The following GNA13 variants were observed in gnomAD, a reference collection of about 807,000 sequenced individuals.
GNA13 encodes guanine nucleotide-binding protein subunit alpha-13.
Under a neutral mutation model 33.5 loss-of-function variants are expected in GNA13, and 4 were observed. The observed-to-expected ratio is 0.12, with a 90% CI of 0.06 to 0.27. GNA13 has a LOEUF of 0.27. Among genes scored for constraint, GNA13 ranks in the 10% least tolerant of loss-of-function variants. The pLI is 1.00. For synonymous variants in GNA13, 176 were observed against 183.8 expected (o/e 0.96, Z 0.34); for missense variants, 319 against 487.2 (o/e 0.65, Z 3.25).
At position 65,013,401 on chromosome 17, in the gene GNA13, C is replaced by A. The variant is rs1204575753; in HGVS notation, c.*856G>T. 4.8e-6 allele frequency: 1 copy of A among 210,212 alleles called. No homozygotes were observed. Among genetic ancestry groups the A allele is most frequent in the Non-Finnish European group, 9.7e-6 (1 of 103,464 alleles). 13.0% of individuals were successfully genotyped at this position (210,212 alleles called of 1,614,324 possible). Reference sequence around the variant, plus strand: ...AAGTCAAATACATGACATTCTGGAACAGGTTAAGTTTATTTAGAAAGTTCT... The same window carrying A: ...AAGTCAAATACATGACATTCTGGAAAAGGTTAAGTTTATTTAGAAAGTTCT... On this transcript the variant is annotated 3_prime_UTR_variant, in exon 4 of 4. Transcript: ENST00000439174.
At position 65,014,763 on chromosome 17, in the gene GNA13, C is replaced by T. The variant is rs754149325; in HGVS notation, c.628G>A (p.Asp210Asn). The change falls in exon 4 of 4, where the codon GAC (aspartate) becomes AAC (asparagine). Residue 210 changes from aspartate (D) to asparagine (N), a missense_variant. Asp to Asn is a conservative substitution (Grantham distance 23). Coordinates refer to ENST00000439174, the MANE Select transcript of GNA13 (RefSeq NM_006572.6). The surrounding 1 kb of genome is among the most constrained non-coding windows in gnomAD (Gnocchi z 5.3). ...AAAGGAACATTTTTTATTTCAAAGTCGTATTCATGGATGCCTTTGGTGGGT... is the reference window on the plus strand; with the variant it reads ...AAAGGAACATTTTTTATTTCAAAGTTGTATTCATGGATGCCTTTGGTGGGT... ...RRPTKGIHEYDFEIKNVPFKM... is the reference protein window; with the variant it reads ...RRPTKGIHEYNFEIKNVPFKM... 1.3e-5 allele frequency: 21 copies of T among 1,613,350 alleles called. No individual in the cohort carries two copies. Among genetic ancestry groups the T allele is most frequent in the Admixed American group, 8.3e-5 (5 of 60,000 alleles).
At chr17:65,031,771 T>A (rs1196194221) in intron 2 of GNA13, among the ~76,000 whole-genome samples, 2 of 151,846 alleles carry the variant, frequency 1.3e-5, no homozygotes, top group Admixed American at 1.3e-4. Context: ...GAGTTGGGCA[T>A]GGTGGTGCAT....
At chr17:65,026,203 T>A (rs868545456) in intron 2 of GNA13, among the ~76,000 whole-genome samples, 3,228 of 138,664 alleles carry the variant, frequency 0.023, 124 homozygotes, top group African/African-American at 0.078. Flanking sequence ...TCCACCAAAA[T>A]AAAAAAAAAA....
chr17:65,041,274 G>C (rs545831974), intron 2 of GNA13, among the ~76,000 whole-genome samples: 84 of 152,226 alleles, frequency 5.5e-4, no homozygotes, highest in African/African-American at 1.9e-3. Context: ...AGCTGCCTTG[G>C]CTCAAAGAAC....
chr17:65,033,109 T>TAA (rs775193494), intron 2 of GNA13, among the ~76,000 whole-genome samples: 1 of 142,994 alleles, frequency 7.0e-6, no homozygotes, highest in Admixed American at 7.0e-5. Flanking sequence ...AGACTCCATT[T>TAA]AAAAAAAAAA....
In GNA13 at chr17:65,055,773, T is replaced by C. The variant is rs904214489; in HGVS notation, c.283+538A>G. On this transcript the variant is annotated intron_variant, in intron 1 of 3. Transcript: ENST00000439174. The stretch of plus-strand genomic sequence containing the variant: ...AAGTCTCGGGCAAAAAGTTCCCTTA[T>C]TGCGACGGTTCCAGAACTCGCTTGC... 8 of 985,310 alleles carry C rather than the reference T, an allele frequency of 8.1e-6. No homozygotes were observed. The African/African-American group carries it at 1.2e-4, about 15-fold the overall frequency. 61.0% of individuals were successfully genotyped at this position (985,310 alleles called of 1,614,324 possible). A position where few individuals can be genotyped will look rare whatever the true frequency, so the allele number is the denominator to read the frequency against.
intron 2 of GNA13, among the ~76,000 whole-genome samples, chr17:65,019,556 G>T (rs749723887): frequency 1.3e-5 from 2 of 152,066 alleles, no homozygotes; most frequent in East Asian, 3.9e-4. Flanking sequence ...GTTAAGTGAA[G>T]TAAGACAGAC....
intron 2 of GNA13, among the ~76,000 whole-genome samples, chr17:65,031,923 T>TGC (rs1907058536): frequency 1.3e-5 from 1 of 79,304 alleles, no homozygotes; most frequent in Non-Finnish European, 2.5e-5. Context: ...AGAGAGAGAG[T>TGC]GTGTGTGTGT....
rs977187767 is a variant in GNA13 at position 65,012,212 on chromosome 17, G to A, written c.*2045C>T. On this transcript the variant is annotated 3_prime_UTR_variant, in exon 4 of 4. Transcript: ENST00000439174. ...GGTTCGTATCACAGATCTTAACTAT[G>A]ACTTAAGTAAGATGAAGTGTCCTCT... 4.5e-6 allele frequency: 1 copy of A among 220,084 alleles called. No homozygotes were observed. Among genetic ancestry groups the A allele is most frequent in the Non-Finnish European group, 9.1e-6 (1 of 109,810 alleles). The allele number at this position is 220,084 out of a possible 1,614,324, so 13.6% of individuals were successfully genotyped here.
At chr17:65,041,550 T>A (rs1175968491) in intron 2 of GNA13, among the ~76,000 whole-genome samples, 2 of 152,162 alleles carry the variant, frequency 1.3e-5, no homozygotes, top group Non-Finnish European at 2.9e-5. Flanking sequence ...TTTTTTACCT[T>A]GGAAATGAAG....
At chr17:65,027,196 C>T (rs1005955795) in intron 2 of GNA13, among the ~76,000 whole-genome samples, 4 of 152,290 alleles carry the variant, frequency 2.6e-5, no homozygotes, top group Middle Eastern at 3.4e-3. Flanking sequence ...GATCTTAACA[C>T]TAGCACTTTT....
At chr17:65,045,168 T>C (rs1046409318) in intron 2 of GNA13, among the ~76,000 whole-genome samples, 15 of 152,148 alleles carry the variant, frequency 9.9e-5, no homozygotes, top group Admixed American at 1.3e-4. Flanking sequence ...AGAAAAATGT[T>C]GGCAATCTCT....
At chr17:65,037,344 C>G (rs11868144) in intron 2 of GNA13, among the ~76,000 whole-genome samples, 2 of 152,130 alleles carry the variant, frequency 1.3e-5, no homozygotes, top group African/African-American at 4.8e-5. Context: ...ACTGAATCTT[C>G]TCCACTTCCT....
chr17:65,043,731 C>G (rs964053138), intron 2 of GNA13, among the ~76,000 whole-genome samples: 10 of 151,498 alleles, frequency 6.6e-5, no homozygotes, highest in Non-Finnish European at 1.3e-4. Context: ...AAAACAAGAA[C>G]AAAAAAAACA....
At chr17:65,039,751 ACT>A (rs1165471579) in intron 2 of GNA13, among the ~76,000 whole-genome samples, 3 of 152,190 alleles carry the variant, frequency 2.0e-5, no homozygotes, top group Admixed American at 1.3e-4. Context: ...CATGTAGATT[ACT>A]CTGACTAGCA....
chr17:65,019,556 G>A (rs749723887), intron 2 of GNA13, among the ~76,000 whole-genome samples: 3 of 152,066 alleles, frequency 2.0e-5, no homozygotes, highest in Non-Finnish European at 4.4e-5. Flanking sequence ...GTTAAGTGAA[G>A]TAAGACAGAC....
rs1179140604 is a variant in GNA13, at chr17:65,010,214, TACAA to T, written c.*4039_*4042del. Reference sequence around the variant, plus strand: ...AGTACAGACATAAGAATGCTAGTGGTACAAACACTGTACTCCAAATGATGTTGTT... The same window carrying T: ...AGTACAGACATAAGAATGCTAGTGGTACACTGTACTCCAAATGATGTTGTT... On this transcript the variant is annotated 3_prime_UTR_variant, in exon 4 of 4. Transcript: ENST00000439174. Among the ~76,000 whole-genome samples, 2 of 152,324 alleles carry T rather than the reference TACAA, an allele frequency of 1.3e-5. No homozygotes were observed. The highest frequency in any genetic ancestry group is 3.4e-3 in the Middle Eastern group (1 of 294).
intron 2 of GNA13, among the ~76,000 whole-genome samples, chr17:65,032,975 G>A (rs1357152074): frequency 1.3e-5 from 2 of 152,094 alleles, no homozygotes; most frequent in African/African-American, 4.8e-5. Context: ...GCCGGGCGTG[G>A]TGGCTGGCAC....
chr17:65,036,612 A>G (rs896781673), intron 2 of GNA13, among the ~76,000 whole-genome samples: 1 of 152,244 alleles, frequency 6.6e-6, no homozygotes, highest in South Asian at 2.1e-4. Context: ...AAGGTGAGGC[A>G]TAAGAATCGC....
Sources: gnomAD v4.1 joint callset for allele counts (sites outside exome capture counted in the v4.1 genomes callset) on GRCh38, gnomAD v4.1.1 for gene constraint, Gnocchi (gnomAD v3.1) non-coding constraint, MANE v1.5 for transcripts, NCBI Gene and HGNC (gene_info 2026-07-23, HGNC 2026-07-21) for gene names.